The following RAD51C variants were observed in gnomAD, a reference collection of about 807,000 sequenced individuals.
RAD51C encodes RAD51 paralog C.
A neutral mutation model predicts 45.0 loss-of-function variants in RAD51C; 42 were observed. The observed-to-expected ratio is 0.93, with a 90% confidence interval of 0.73 to 1.21. The LOEUF (loss-of-function observed/expected upper bound fraction) is 1.21, where lower values mean the gene tolerates loss of function less well. Ranked by LOEUF, RAD51C falls within the 50% of genes most tolerant of loss-of-function variation. RAD51C has a pLI of 0.00. For synonymous variants in RAD51C, 172 were observed against 159.8 expected (o/e 1.08, Z -0.58); for missense variants, 474 against 452.2 (o/e 1.05, Z -0.44).
In RAD51C at chr17:58,732,462, T is replaced by C. The variant is rs2049467162; in HGVS notation, c.966-22T>C. 5.0e-6 allele frequency: 8 copies of C among 1,601,112 alleles called. No homozygotes were observed. In the East Asian group the frequency reaches 1.8e-4, roughly 36 times the overall value. On this transcript the variant is annotated intron_variant, in intron 7 of 8. Transcript: ENST00000337432. ...AATTAAGTTCATGTGTTTGTATGTATTTATTCTTTTTCTTTAAGCAGGTTG... is the reference window on the plus strand; with the variant it reads ...AATTAAGTTCATGTGTTTGTATGTACTTATTCTTTTTCTTTAAGCAGGTTG...
At chr17:58,728,665 T>C (rs1339781246) in intron 7 of RAD51C, among the ~76,000 whole-genome samples, 1 of 152,100 alleles carries the variant, frequency 6.6e-6, no homozygotes, top group Non-Finnish European at 1.5e-5. Flanking sequence ...CCTAAAGTAC[T>C]GGGATTATAG....
chr17:58,729,504 C>T (rs1190415849), intron 7 of RAD51C, among the ~76,000 whole-genome samples: 4 of 151,830 alleles, frequency 2.6e-5, no homozygotes, highest in Admixed American at 2.0e-4. Flanking sequence ...TGTGAGCCAC[C>T]GCGCCCGGCC....
At chr17:58,701,770 A>G (rs1370382504) in intron 3 of RAD51C, among the ~76,000 whole-genome samples, 2 of 151,542 alleles carry the variant, frequency 1.3e-5, no homozygotes, top group Non-Finnish European at 2.9e-5. Context: ...GTGTTTTACC[A>G]TGTTGGCCAG....
chr17:58,704,193 G>C (rs1332730427), intron 4 of RAD51C, among the ~76,000 whole-genome samples: 2 of 151,966 alleles, frequency 1.3e-5, no homozygotes, highest in African/African-American at 4.8e-5. Flanking sequence ...ACATTTGATA[G>C]TCTGAGCACC....
chr17:58,697,912 A>G (rs760435779), intron 3 of RAD51C, among the ~76,000 whole-genome samples: 3 of 151,798 alleles, frequency 2.0e-5, no homozygotes, highest in Non-Finnish European at 4.4e-5. Context: ...GGGTTTCTCC[A>G]TGTTGATCAG....
chr17:58,730,830 A>G, intron 7 of RAD51C, among the ~76,000 whole-genome samples: 1 of 152,150 alleles, frequency 6.6e-6, no homozygotes, highest in East Asian at 1.9e-4. Flanking sequence ...ATGTTTACAT[A>G]TAGTTCACTG....
At chr17:58,713,478 C>T (rs2048628518) in intron 5 of RAD51C, among the ~76,000 whole-genome samples, 1 of 151,982 alleles carries the variant, frequency 6.6e-6, no homozygotes, top group Non-Finnish European at 1.5e-5. Context: ...GTAACTGAGA[C>T]CACAGGCACA....
chr17:58,708,289 T>A (rs969084482), intron 4 of RAD51C, among the ~76,000 whole-genome samples: 1 of 152,158 alleles, frequency 6.6e-6, no homozygotes, highest in African/African-American at 2.4e-5. Context: ...CATTTTCTTA[T>A]AATTATCGGA....
intron 2 of RAD51C, 96 bp from the exon 3 acceptor site, chr17:58,696,597 A>C (rs2048017501): frequency 6.8e-7 from 1 of 1,466,744 alleles, no homozygotes; most frequent in Admixed American, 1.7e-5. Context: ...CATTTATAAA[A>C]CTTTAGTGAT....
intron 3 of RAD51C, among the ~76,000 whole-genome samples, chr17:58,698,073 G>A (rs1287056648): frequency 6.0e-5 from 9 of 149,890 alleles, no homozygotes; most frequent in South Asian, 4.2e-4. Flanking sequence ...GTACAGTGGC[G>A]CGATCTCGGC....
rs1057517644 is a variant in RAD51C at position 58,710,004 on chromosome 17, A to G, written c.837+14A>G. 2.7e-5 allele frequency: 43 copies of G among 1,605,660 alleles called. No homozygotes were observed. The highest frequency in any genetic ancestry group is 3.6e-5 in the Non-Finnish European group (42 of 1,172,566). On this transcript the variant is annotated intron_variant, in intron 5 of 8. Coordinates refer to ENST00000337432, the MANE Select transcript of RAD51C (RefSeq NM_058216.3). Reference sequence around the variant, plus strand: ...CACAGATTAGCTGTAAGTATTAACTAGTGAAGAGAGTTTTATAACAAAGTC... The same window carrying G: ...CACAGATTAGCTGTAAGTATTAACTGGTGAAGAGAGTTTTATAACAAAGTC...
At chr17:58,709,565 CTA>C (rs1164178787) in intron 4 of RAD51C, 4 of 247,476 alleles carry the variant, frequency 1.6e-5, no homozygotes, top group Non-Finnish European at 3.1e-5. Context: ...TTTTCCAATG[CTA>C]TGTTTTTTTC....
intron 4 of RAD51C, among the ~76,000 whole-genome samples, chr17:58,705,375 C>G (rs996914480): frequency 1.3e-5 from 2 of 151,392 alleles, no homozygotes; most frequent in African/African-American, 4.9e-5. Flanking sequence ...CTTTTGTCAC[C>G]CAGGCTGGAG....
At chr17:58,715,690 A>C (rs1164090298) in intron 5 of RAD51C, among the ~76,000 whole-genome samples, 1 of 152,074 alleles carries the variant, frequency 6.6e-6, no homozygotes, top group Admixed American at 6.6e-5. Flanking sequence ...TTAATGACTA[A>C]TTTTGCATTT....
At position 58,735,124 on chromosome 17, in the gene RAD51C, A is replaced by T. The variant is rs2049588715; in HGVS notation, c.*902A>T. 6.6e-6 allele frequency: 1 copy of T among 152,146 alleles called. No homozygotes were observed. The highest frequency in any genetic ancestry group is 6.6e-5 in the Admixed American group (1 of 15,260). The allele number at this position is 152,146 out of a possible 1,614,324, so 9.4% of individuals were successfully genotyped here. ...TTAAAGGGAGGACTTTGGAGCTGTT[A>T]TCTCATCTAGAGATTGTTTGGAACA... On this transcript the variant is annotated 3_prime_UTR_variant, in exon 9 of 9. Transcript: ENST00000337432.
intron 6 of RAD51C, among the ~76,000 whole-genome samples, chr17:58,723,293 C>T (rs946144151): frequency 6.6e-6 from 1 of 151,804 alleles, no homozygotes; most frequent in Non-Finnish European, 1.5e-5. Context: ...TTGCTTAAAT[C>T]TTGAGTTACA....
chr17:58,718,914 G>A (rs1476701596), intron 5 of RAD51C, among the ~76,000 whole-genome samples: 2 of 152,002 alleles, frequency 1.3e-5, no homozygotes, highest in Non-Finnish European at 2.9e-5. Context: ...TTCTAGGGAG[G>A]CAATAGTGAT....
intron 5 of RAD51C, among the ~76,000 whole-genome samples, chr17:58,712,425 A>G (rs1015708790): frequency 6.6e-6 from 1 of 152,168 alleles, no homozygotes; most frequent in South Asian, 2.1e-4. Flanking sequence ...ACAATAAAAA[A>G]TGTAGGAAGC....
rs573729046 is a variant in RAD51C at position 58,710,690 on chromosome 17, C to T, written c.837+700C>T. Among the ~76,000 whole-genome samples the T allele has an allele frequency of 5.3e-4, 80 of 152,128 alleles. 1 individual carries two copies. Among genetic ancestry groups the T allele is most frequent in the Admixed American group, 9.2e-4 (14 of 15,270 alleles). ...AGATTCAGATGGATTGAAACATAAC[C>T]GGTGTAAACAACCTAGATGCTTTGA... is the stretch of plus-strand genomic sequence containing the variant. On this transcript the variant is annotated intron_variant, in intron 5 of 8. Coordinates refer to ENST00000337432, the MANE Select transcript of RAD51C (RefSeq NM_058216.3).
Sources: gnomAD v4.1 joint callset for allele counts (sites outside exome capture counted in the v4.1 genomes callset) on GRCh38, gnomAD v4.1.1 for gene constraint, MANE v1.5 for transcripts, NCBI Gene and HGNC (gene_info 2026-07-23, HGNC 2026-07-21) for gene names.